Variants in MAPT observed in about 807,000 individuals in gnomAD.
The protein encoded by MAPT is microtubule associated protein tau, also known as microtubule-associated protein tau.
Under a neutral mutation model 67.9 loss-of-function variants are expected in MAPT, and 34 were observed. That is an observed-to-expected ratio of 0.50 (90% CI 0.38 to 0.67). The LOEUF is 0.67. Ranked by LOEUF, MAPT falls within the 30% of genes least tolerant of loss-of-function variation. The pLI, the probability that MAPT is intolerant of heterozygous loss-of-function variation, is 0.00. For synonymous variants in MAPT, 456 were observed against 464.5 expected, an observed-to-expected ratio of 0.98 and a Z score of 0.23; for missense variants, 881 against 1,115.2, an observed-to-expected ratio of 0.79 and a Z score of 2.99.
At chr17:45,921,270 C>A (rs1026451013) in intron 1 of MAPT, among the ~76,000 whole-genome samples, 5 of 152,156 alleles carry the variant, frequency 3.3e-5, no homozygotes, top group African/African-American at 1.2e-4. Flanking sequence ...CGGAATGGAC[C>A]ATCAACATCC....
chr17:45,929,596 G>T (rs1361961370), intron 1 of MAPT, among the ~76,000 whole-genome samples: 1 of 152,098 alleles, frequency 6.6e-6, no homozygotes, highest in Non-Finnish European at 1.5e-5. Context: ...GGTCATCATC[G>T]CCAGGCTTGT....
chr17:45,958,625 G>A (rs949659798), intron 1 of MAPT, among the ~76,000 whole-genome samples: 3 of 151,696 alleles, frequency 2.0e-5, no homozygotes, highest in Non-Finnish European at 4.4e-5. Flanking sequence ...GGAGGCTGAG[G>A]TGGGTGGATC....
rs764199171 is a variant in MAPT at position 45,999,566 on chromosome 17, T to C, written c.1998+2902T>C. The C allele has an allele frequency of 4.0e-5, 64 of 1,612,904 alleles. No individual in the cohort carries two copies. The South Asian group carries it at 5.4e-4, about 14-fold the overall frequency. On this transcript the variant is annotated intron_variant, in intron 9 of 12. Coordinates refer to ENST00000262410, the MANE Select transcript of MAPT (RefSeq NM_001377265.1). The stretch of plus-strand genomic sequence containing the variant: ...GCTGAGCAGGGAAGACAACTTTCCA[T>C]TGAAGGCCCCTTTCAGGGCCAGAAC...
At chr17:45,977,522 G>T (rs990295881) in intron 3 of MAPT, 1 of 152,222 alleles carries the variant, frequency 6.6e-6, no homozygotes, top group African/African-American at 2.4e-5. Flanking sequence ...TGCGTGCACT[G>T]TCCTGTAACA....
intron 3 of MAPT, 110 bp from the exon 4 acceptor site, chr17:45,978,265 A>G: frequency 1.2e-6 from 1 of 862,192 alleles, no homozygotes; most frequent in Non-Finnish European, 2.0e-6. Context: ...TTGGGATGTG[A>G]CTTTCCTGAA....
At chr17:45,985,839 T>C in intron 5 of MAPT, 1 of 385,430 alleles carries the variant, frequency 2.6e-6, no homozygotes, top group Non-Finnish European at 3.6e-6. Context: ...CCTGGGAGTC[T>C]TTTAGCAGGT....
intron 2 of MAPT, among the ~76,000 whole-genome samples, chr17:45,970,776 T>C (rs2071581069): frequency 6.6e-6 from 1 of 152,220 alleles, no homozygotes; most frequent in African/African-American, 2.4e-5. Context: ...CCATGCTCTC[T>C]AGCCTGTAAC....
intron 9 of MAPT, among the ~76,000 whole-genome samples, chr17:46,006,974 TAAAATAAATA>T (rs1261532280): frequency 0.017 from 1,818 of 104,302 alleles, 24 homozygotes; most frequent in African/African-American, 0.035. Flanking sequence ...TAAAATAAAA[TAAAATAAATA>T]AAATAAAATA....
rs63751395 is a variant in MAPT, at chr17:46,010,390, G to C, written c.2079G>C (p.Pro693=). 1 of 1,574,224 alleles carries C rather than the reference G, an allele frequency of 6.4e-7. No individual in the cohort carries two copies. Among genetic ancestry groups the C allele is most frequent in the Non-Finnish European group, 8.6e-7 (1 of 1,158,554 alleles). ...CGSKDNIKHV[P]GGGSVQIVYK... is the part of the protein sequence containing the mutation. ...CAAAGGATAATATCAAACACGTCCC[G>C]GGAGGCGGCAGTGTGAGTACCTTCA... The change falls in exon 10 of 13, where the codon CCG becomes CCC. Residue 693 remains proline, a synonymous_variant. Transcript: ENST00000262410. The surrounding 1 kb of genome is among the most constrained non-coding windows in gnomAD (Gnocchi z 4.7).
rs541193494 is a variant in MAPT, at chr17:45,905,745, G to A, written c.-18+11059G>A. Among the ~76,000 whole-genome samples, 13 of 152,296 alleles carry A rather than the reference G, an allele frequency of 8.5e-5. No homozygotes were observed. The South Asian group carries it at 2.7e-3, about 32-fold the overall frequency. ...CCCATGCCTCCATATTTCCATCTGA[G>A]AAATGGAGATTATACTGTCTTCCCC... On this transcript the variant is annotated intron_variant, in intron 1 of 12. Coordinates refer to ENST00000262410, the MANE Select transcript of MAPT (RefSeq NM_001377265.1).
chr17:45,908,383 T>A (rs1230813472), intron 1 of MAPT: 1 of 152,142 alleles, frequency 6.6e-6, no homozygotes, highest in Non-Finnish European at 1.5e-5. Context: ...CCAGACAGCA[T>A]CTACAGGGAG....
intron 10 of MAPT, among the ~76,000 whole-genome samples, chr17:46,013,763 A>G (rs756575412): frequency 1.3e-5 from 2 of 152,204 alleles, no homozygotes; most frequent in African/African-American, 4.8e-5. Flanking sequence ...TTTGAGGCCC[A>G]GCAGATACCC....
At chr17:45,898,793 G>A (rs1024766148) in intron 1 of MAPT, 1 of 152,298 alleles carries the variant, frequency 6.6e-6, no homozygotes, top group Middle Eastern at 3.4e-3. Flanking sequence ...TACAGTGCTA[G>A]ACATACAAGA....
intron 11 of MAPT, 41 bp from the exon 12 acceptor site, chr17:46,018,577 G>T: frequency 7.1e-7 from 1 of 1,406,272 alleles, no homozygotes; most frequent in Non-Finnish European, 1.0e-6. Context: ...CAGAACCACA[G>T]AAGATGATGG....
rs537507226 is a variant in MAPT, at chr17:46,008,737, G to A, written c.1999-1573G>A. The stretch of plus-strand genomic sequence containing the variant: ...AGGCTGGAGTTCCAACCCCAGATCC[G>A]ACAGCCCAGGCTGATGGGGCCTCCA... On this transcript the variant is annotated intron_variant, in intron 9 of 12. Transcript: ENST00000262410. Among the ~76,000 whole-genome samples, 17 of 152,234 alleles carry A rather than the reference G, an allele frequency of 1.1e-4. No homozygotes were observed. In the South Asian group the frequency reaches 3.5e-3, roughly 32 times the overall value.
rs2071767913 is a variant in MAPT, at chr17:45,972,207, C to T, written c.220+262C>T. ...CCGCGCACAGCTCCACAAAGCCCCG[C>T]TCCATACGATTGTCCTCCCACACCC... On this transcript the variant is annotated intron_variant, in intron 3 of 12. Transcript: ENST00000262410. The T allele has an allele frequency of 9.2e-6, 6 of 649,460 alleles. No individual in the cohort carries two copies. In the Admixed American group the frequency reaches 1.2e-4, roughly 13 times the overall value. The allele number at this position is 649,460 out of a possible 1,614,324, so 40.2% of individuals were successfully genotyped here.
At chr17:46,008,256 A>G (rs1229367153) in intron 9 of MAPT, among the ~76,000 whole-genome samples, 2 of 152,094 alleles carry the variant, frequency 1.3e-5, no homozygotes, top group South Asian at 2.1e-4. Context: ...TGCCTGGCTA[A>G]CTTTTGTATT....
intron 8 of MAPT, among the ~76,000 whole-genome samples, chr17:45,992,245 A>G (rs776853194): frequency 5.3e-5 from 8 of 152,236 alleles, no homozygotes; most frequent in Non-Finnish European, 1.0e-4. Flanking sequence ...ATGCAGTCAC[A>G]TGACTACTAA....
intron 1 of MAPT, among the ~76,000 whole-genome samples, chr17:45,961,876 A>G (rs539604184): frequency 1.3e-5 from 2 of 151,982 alleles, no homozygotes; most frequent in East Asian, 3.9e-4. Flanking sequence ...GCCAGGTTCA[A>G]TTGATTCTCC....
Sources: gnomAD v4.1 joint callset for allele counts (sites outside exome capture counted in the v4.1 genomes callset) on GRCh38, gnomAD v4.1.1 for gene constraint, Gnocchi (gnomAD v3.1) non-coding constraint, MANE v1.5 for transcripts, NCBI Gene and HGNC (gene_info 2026-07-23, HGNC 2026-07-21) for gene names.